Variants in SLPI observed in about 807,000 individuals in gnomAD.
The protein encoded by SLPI is secretory leukocyte peptidase inhibitor.
In SLPI, 20 loss-of-function variants were observed where a neutral mutation model predicts 14.3. That is an observed-to-expected ratio of 1.40 (90% CI 0.99 to 2.04). The LOEUF (loss-of-function observed/expected upper bound fraction) is 2.04. Ranked by LOEUF, SLPI falls within the 30% of genes most tolerant of loss-of-function variation. SLPI has a pLI of 0.00. For missense variants in SLPI, 169 were observed against 159.4 expected, an observed-to-expected ratio of 1.06 and a Z score of -0.32; for synonymous variants, 68 against 54.8, an observed-to-expected ratio of 1.24 and a Z score of -1.07.
Position 45,254,497 on chromosome 20 carries a change from C to G in SLPI, c.47G>C (p.Gly16Ala). ...TTCCACAGCCCAAGGTGCCAGAGTT[C>G]CCAGGGCAAGCAGCACCAGGAAGGG... ...LFPFLVLLAL[G>A]TLAPWAVEGS... Residue 16 changes from glycine (G) to alanine (A), a missense_variant, in exon 1 of 4, where the codon GGA (glycine) becomes GCA (alanine). Coordinates refer to ENST00000338380, the MANE Select transcript of SLPI (RefSeq NM_003064.4). 6.2e-7 allele frequency: 1 copy of G among 1,614,144 alleles called. No homozygotes were observed. Among genetic ancestry groups the G allele is most frequent in the South Asian group, 1.1e-5 (1 of 91,074 alleles).
chr20:45,253,141 C>T lies in SLPI; in HGVS notation c.255G>A (p.Lys85=). The change falls in exon 3 of 4, where the codon AAG becomes AAA. Residue 85 remains lysine (K), a synonymous_variant. Coordinates refer to ENST00000338380, the MANE Select transcript of SLPI (RefSeq NM_003064.4). ...CATAAGTCACTGGGCACTTCCCAGG[C>T]TTCCTCCTTGCTGGGTGAGAGTGAG... ...PVDTPNPTRR[K]PGKCPVTYGQ... is the part of the protein sequence containing the mutation. 1 of 1,613,856 alleles carries T rather than the reference C, an allele frequency of 6.2e-7. No homozygotes were observed. Among genetic ancestry groups the T allele is most frequent in the Non-Finnish European group, 8.5e-7 (1 of 1,179,836 alleles).
At chr20:45,253,338 GC>G (rs1403097442) in intron 2 of SLPI, among the ~76,000 whole-genome samples, 187 bp from the exon 3 acceptor site, 1 of 152,082 alleles carries the variant, frequency 6.6e-6, no homozygotes, top group Non-Finnish European at 1.5e-5. Flanking sequence ...AGAACTTCAG[GC>G]CCCCCATTGA....
At position 45,253,166 on chromosome 20, in the gene SLPI, G is replaced by A. The variant is rs746060498; in HGVS notation, c.245-15C>T. The A allele has an allele frequency of 5.6e-6, 9 of 1,613,030 alleles. No individual in the cohort carries two copies. The Admixed American group carries it at 1.2e-4, about 21-fold the overall frequency. On this transcript the variant is annotated splice_polypyrimidine_tract_variant and intron_variant, in intron 2 of 3. Coordinates refer to ENST00000338380, the MANE Select transcript of SLPI (RefSeq NM_003064.4). ...CTTCCTCCTTGCTGGGTGAGAGTGA[G>A]GCTACCGGTCAGAGGCCTTGTACTT...
At chr20:45,252,970 G>A (rs200290440) in intron 3 of SLPI, 32 bp downstream of exon 3, 26 of 1,607,378 alleles carry the variant, frequency 1.6e-5, no homozygotes, top group Non-Finnish European at 2.1e-5. Flanking sequence ...GAGGGCTGGA[G>A]GGAGCTCAGT....
rs1227685186 is a variant in SLPI at position 45,253,073 on chromosome 20, T to G, written c.323A>C (p.Asp108Ala). Reference sequence around the variant, plus strand: ...CTTCAAGTCACGCTTGCACTGGCCATCCATCTCACAGAAATTGGGGGGGTT... The same window carrying G: ...CTTCAAGTCACGCTTGCACTGGCCAGCCATCTCACAGAAATTGGGGGGGTT... Reference protein sequence around the residue: ...MLNPPNFCEMDGQCKRDLKCC... With the variant: ...MLNPPNFCEMAGQCKRDLKCC... The change falls in exon 3 of 4, where the codon GAT (aspartate) becomes GCT (alanine). Residue 108 changes from aspartate to alanine, a missense_variant. Physicochemically the swap from Asp to Ala is moderately radical, Grantham distance 126. Coordinates refer to ENST00000338380, the MANE Select transcript of SLPI (RefSeq NM_003064.4). The G allele has an allele frequency of 6.2e-7, 1 of 1,614,192 alleles. No homozygotes were observed.
At chr20:45,252,545 G>A in intron 3 of SLPI, 126 bp from the exon 4 acceptor site, 1 of 928,852 alleles carries the variant, frequency 1.1e-6, no homozygotes, top group Non-Finnish European at 1.7e-6. Flanking sequence ...AGTTGAGAGA[G>A]ACTTAGTGTC....
chr20:45,253,767 G>T, intron 1 of SLPI, 34 bp from the exon 2 acceptor site: 1 of 1,602,732 alleles, frequency 6.2e-7, no homozygotes, highest in Non-Finnish European at 8.5e-7. Context: ...TCAGGAGGAG[G>T]CTGGGTACTG....
rs1600670556 is a variant in SLPI at position 45,253,752 on chromosome 20, A to T, written c.86-19T>A. ...TTGAAGGCTTTTGAAGAGAAAGTCA[A>T]GAGGTCAGGAGGAGGCTGGGTACTG... On this transcript the variant is annotated intron_variant, in intron 1 of 3. Transcript: ENST00000338380. 1 of 1,610,886 alleles carries T rather than the reference A, an allele frequency of 6.2e-7. No homozygotes were observed. The highest frequency in any genetic ancestry group is 2.2e-5 in the East Asian group (1 of 44,866).
chr20:45,252,741 G>A (rs925656061), intron 3 of SLPI, among the ~76,000 whole-genome samples: 12 of 152,102 alleles, frequency 7.9e-5, no homozygotes, highest in African/African-American at 2.7e-4. Context: ...ACATTTTACC[G>A]ATAAAGAAAC....
chr20:45,253,410 A>C (rs566260501), intron 2 of SLPI, among the ~76,000 whole-genome samples, 165 bp downstream of exon 2: 3 of 152,236 alleles, frequency 2.0e-5, no homozygotes, highest in African/African-American at 4.8e-5. Flanking sequence ...CTGGCTATCT[A>C]AATGCCCGCT....
At chr20:45,254,008 AGAGGAAGGCTGG>A (rs1320549395) in intron 1 of SLPI, among the ~76,000 whole-genome samples, 2 of 152,162 alleles carry the variant, frequency 1.3e-5, no homozygotes, top group Admixed American at 1.3e-4. Flanking sequence ...ACAAAGGCAG[AGAGGAAGGCTGG>A]GAGTGATGGA....
intron 3 of SLPI, 107 bp from the exon 4 acceptor site, chr20:45,252,526 T>G: frequency 1.7e-6 from 2 of 1,161,420 alleles, no homozygotes; most frequent in Non-Finnish European, 1.3e-6. Context: ...AATAGCAAGA[T>G]AGCGCTATAG....
intron 2 of SLPI, 107 bp downstream of exon 2, chr20:45,253,468 C>T (rs1167029693): frequency 8.1e-6 from 9 of 1,107,344 alleles, no homozygotes; most frequent in African/African-American, 1.6e-5. Context: ...GTGTGACTCA[C>T]TGACGGATTG....
At position 45,252,986 on chromosome 20, in the gene SLPI, C is replaced by T. The variant is rs781137712; in HGVS notation, c.394+16G>A. 1.9e-6 allele frequency: 3 copies of T among 1,612,168 alleles called. No individual in the cohort carries two copies. Among genetic ancestry groups the T allele is most frequent in the South Asian group, 2.2e-5 (2 of 90,766 alleles). On this transcript the variant is annotated intron_variant, in intron 3 of 3. Transcript: ENST00000338380. ...AGGGCTGGAGGGAGCTCAGTGTGCC[C>T]TCATCCCCTGCTTACCTTTCACAGG...
In SLPI at chr20:45,253,733, G is replaced by T. The variant is rs1984735930; in HGVS notation, c.86C>A (p.Ser29Tyr). ...AGGAGGACAGACTCCAGCTTTGAAG[G>T]CTTTTGAAGAGAAAGTCAAGAGGTC... ...APWAVEGSGKSFKAGVCPPKK... is the reference protein window; with the variant it reads ...APWAVEGSGKYFKAGVCPPKK... The change falls in exon 2 of 4, where the codon TCC becomes TAC. Residue 29 changes from serine to tyrosine, a missense_variant and splice_region_variant. Transcript: ENST00000338380. 1 of 1,613,276 alleles carries T rather than the reference G, an allele frequency of 6.2e-7. No homozygotes were observed.
intron 2 of SLPI, 41 bp downstream of exon 2, chr20:45,253,534 C>G: frequency 6.3e-7 from 1 of 1,590,402 alleles, no homozygotes; most frequent in Non-Finnish European, 8.6e-7. Flanking sequence ...TGCTGTGTCC[C>G]CAGGCTCACT....
chr20:45,252,350 C>CT lies in SLPI; in HGVS notation c.*64dup. The stretch of plus-strand genomic sequence containing the variant: ...GAGGATATCAGTGGTGGAGCCAAGT[C>CT]TCAGGGTGGAAAGGACCTGGACCAC... On this transcript the variant is annotated 3_prime_UTR_variant, in exon 4 of 4. Transcript: ENST00000338380. 6.4e-7 allele frequency: 1 copy of CT among 1,567,940 alleles called. No individual in the cohort carries two copies. The highest frequency in any genetic ancestry group is 8.7e-7 in the Non-Finnish European group (1 of 1,144,774).
intron 2 of SLPI, 83 bp from the exon 3 acceptor site, chr20:45,253,234 C>CT: frequency 6.6e-7 from 1 of 1,510,106 alleles, no homozygotes. Flanking sequence ...TGAGCCCCTG[C>CT]TCCAGCTTCA....
At chr20:45,252,875 A>T in intron 3 of SLPI, 127 bp downstream of exon 3, 1 of 991,038 alleles carries the variant, frequency 1.0e-6, no homozygotes, top group Non-Finnish European at 1.5e-6. Flanking sequence ...TTGAAGGACA[A>T]GGGAGTCAGA....
Sources: gnomAD v4.1 joint callset for allele counts (sites outside exome capture counted in the v4.1 genomes callset) on GRCh38, gnomAD v4.1.1 for gene constraint, MANE v1.5 for transcripts, NCBI Gene and HGNC (gene_info 2026-07-23, HGNC 2026-07-21) for gene names.